The following NUMBL variants were observed in gnomAD, a reference collection of about 807,000 sequenced individuals.
The protein encoded by NUMBL is NUMB like endocytic adaptor protein.
NUMBL carries 20 observed loss-of-function variants against 48.9 expected under a neutral mutation model. That is an observed-to-expected ratio of 0.41 (90% CI 0.29 to 0.59). NUMBL has a LOEUF of 0.59. Among genes scored for constraint, NUMBL ranks in the 20% least tolerant of loss-of-function variants. The pLI is 0.31. For missense variants in NUMBL, 660 were observed against 846.2 expected, an observed-to-expected ratio of 0.78 and a Z score of 2.73; for synonymous variants, 340 against 348.7, an observed-to-expected ratio of 0.98 and a Z score of 0.28.
intron 7 of NUMBL, among the ~76,000 whole-genome samples, chr19:40,676,911 T>C (rs955468663): frequency 4.0e-5 from 6 of 151,790 alleles, no homozygotes; most frequent in Non-Finnish European, 4.4e-5. Flanking sequence ...GCCTCCAGGG[T>C]TCCAGCGATC....
rs1013217727 is a variant in NUMBL at position 40,687,534 on chromosome 19, C to T, written c.25-539G>A. On this transcript the variant is annotated intron_variant, in intron 1 of 9. Coordinates refer to ENST00000252891, the MANE Select transcript of NUMBL (RefSeq NM_004756.5). This position sits in a 1 kb window ranked among gnomAD's most constrained non-coding sequence, Gnocchi z 4.6. ...AGCATGTCCTGGCCCACTCAGTTCC[C>T]ACCGCAGACACCTGGTCACACCACC... Among the ~76,000 whole-genome samples the T allele has an allele frequency of 6.6e-6, 1 of 152,172 alleles. No individual in the cohort carries two copies. The highest frequency in any genetic ancestry group is 1.5e-5 in the Non-Finnish European group (1 of 68,032).
chr19:40,675,583 A>G (rs1429754373), intron 7 of NUMBL, among the ~76,000 whole-genome samples: 1 of 128,920 alleles, frequency 7.8e-6, no homozygotes, highest in Non-Finnish European at 1.6e-5. Flanking sequence ...TTAAACACAC[A>G]CACACACACA....
chr19:40,686,808 G>A, intron 2 of NUMBL, 103 bp downstream of exon 2: 1 of 746,246 alleles, frequency 1.3e-6, no homozygotes, highest in Non-Finnish European at 2.3e-6. Context: ...GTCCACTCAT[G>A]AGTGTGATTA....
chr19:40,684,479 G>C lies in NUMBL; in HGVS notation c.187C>G (p.Pro63Ala). The C allele has an allele frequency of 2.5e-6, 4 of 1,591,744 alleles. No homozygotes were observed. The highest frequency in any genetic ancestry group is 3.4e-6 in the Non-Finnish European group (4 of 1,170,108). ...TCCTCGTCTGCCTGCCACTGGTGCG[G>C]GCGCGACGCCTCGGGCACGTAGGCT... ...KPAYVPEASR[P>A]HQWQADEDAV... Residue 63 changes from proline to alanine, a missense_variant, in exon 3 of 10, where the codon CCG becomes GCG. Physicochemically the swap from Pro to Ala is conservative, Grantham distance 27. This residue lies in a region of NUMBL where 278 missense variants were observed against 420.6 expected (regional missense o/e 0.66). Transcript: ENST00000252891.
intron 6 of NUMBL, among the ~76,000 whole-genome samples, chr19:40,680,181 G>A (rs952173660): frequency 4.0e-5 from 6 of 151,846 alleles, no homozygotes; most frequent in Non-Finnish European, 8.8e-5. Context: ...ACCCAGGCTG[G>A]AGTGCAGTGG....
intron 5 of NUMBL, 60 bp from the exon 6 acceptor site, chr19:40,681,117 A>C: frequency 1.3e-6 from 2 of 1,569,718 alleles, no homozygotes; most frequent in Non-Finnish European, 1.8e-6. Flanking sequence ...TGTTCACTCA[A>C]CATTCTCTCT....
intron 3 of NUMBL, 49 bp downstream of exon 3, chr19:40,684,368 A>C: frequency 3.9e-6 from 6 of 1,525,202 alleles, no homozygotes; most frequent in Non-Finnish European, 5.3e-6. Context: ...AGCACAGCAC[A>C]GCGGCCCCCG....
At chr19:40,669,742 T>C (rs1298239724) in intron 9 of NUMBL, among the ~76,000 whole-genome samples, 156 bp downstream of exon 9, 2 of 151,848 alleles carry the variant, frequency 1.3e-5, no homozygotes, top group African/African-American at 4.8e-5. Flanking sequence ...TCTAAGATGA[T>C]CCATGGTTGT....
At chr19:40,676,691 C>CA (rs550390367) in intron 7 of NUMBL, among the ~76,000 whole-genome samples, 20,753 of 82,314 alleles carry the variant, frequency 0.25, 1,730 homozygotes, top group African/African-American at 0.31. Context: ...GACTCCGTCT[C>CA]AAAAAAAAAA....
chr19:40,684,782 A>T, intron 2 of NUMBL: 7 of 489,288 alleles, frequency 1.4e-5, no homozygotes, highest in East Asian at 4.2e-5. Flanking sequence ...GGCACTGGGG[A>T]TTCAGAACCA....
intron 7 of NUMBL, among the ~76,000 whole-genome samples, chr19:40,675,254 G>A (rs1430823649): frequency 6.6e-6 from 1 of 151,384 alleles, no homozygotes; most frequent in Non-Finnish European, 1.5e-5. Context: ...CCAGGAGGCA[G>A]AGGTTGCAGT....
chr19:40,684,591 G>A lies in NUMBL; in HGVS notation c.110-35C>T, dbSNP rs558111971. On this transcript the variant is annotated intron_variant, in intron 2 of 9. Coordinates refer to ENST00000252891, the MANE Select transcript of NUMBL (RefSeq NM_004756.5). ...CAGGACAGTGATGTGGGTCAAGGGT[G>A]GGGGTCAGAAGGTATGGAGCTCAAC... 4.4e-6 allele frequency: 7 copies of A among 1,576,174 alleles called. No homozygotes were observed. In the South Asian group the frequency reaches 8.0e-5, roughly 18 times the overall value.
rs779284323 is a variant in NUMBL at position 40,667,672 on chromosome 19, G to A, written c.1626C>T (p.Pro542=). The A allele has an allele frequency of 1.8e-5, 29 of 1,568,552 alleles. No individual in the cohort carries two copies. Among genetic ancestry groups the A allele is most frequent in the Non-Finnish European group, 9.5e-6 (11 of 1,157,144 alleles). Residue 542 remains proline (P), a synonymous_variant, in exon 10 of 10, where the codon CCC becomes CCT. Coordinates refer to ENST00000252891, the MANE Select transcript of NUMBL (RefSeq NM_004756.5). The surrounding 1 kb of genome is among the most constrained non-coding windows in gnomAD (Gnocchi z 6.1). The part of the protein sequence containing the change: ...TLLGKAGAFP[P]PAIPSAPGSQ... ...TCCCAGGGGCACTGGGTATGGCAGG[G>A]GGCGGGAAGGCCCCAGCTTTCCCAA...
chr19:40,683,029 T>C, intron 3 of NUMBL, 61 bp from the exon 4 acceptor site: 1 of 1,434,038 alleles, frequency 7.0e-7, no homozygotes, highest in East Asian at 2.3e-5. Context: ...TCATTCTCAG[T>C]GTCCACTGAG....
intron 3 of NUMBL, among the ~76,000 whole-genome samples, chr19:40,683,302 A>G (rs1166262921): frequency 6.6e-6 from 1 of 152,140 alleles, no homozygotes; most frequent in East Asian, 1.9e-4. Flanking sequence ...TGCCTACCCT[A>G]AAGCAGCTAG....
chr19:40,670,825 G>A (rs1352504616), intron 8 of NUMBL, among the ~76,000 whole-genome samples: 2 of 152,128 alleles, frequency 1.3e-5, no homozygotes, highest in Non-Finnish European at 2.9e-5. Flanking sequence ...GTCCTGATGC[G>A]TGACTCCCAG....
chr19:40,679,811 G>A (rs2081895630), intron 6 of NUMBL, among the ~76,000 whole-genome samples: 1 of 152,168 alleles, frequency 6.6e-6, no homozygotes, highest in Admixed American at 6.5e-5. Flanking sequence ...CCAGGGGGCT[G>A]GGGTAGTGGG....
rs1447313549 is a variant in NUMBL at position 40,682,886 on chromosome 19, T to G, written c.324+8A>C. 2 of 1,613,760 alleles carry G rather than the reference T, an allele frequency of 1.2e-6. No individual in the cohort carries two copies. The highest frequency in any genetic ancestry group is 3.3e-5 in the Admixed American group (2 of 59,986). On this transcript the variant is annotated splice_region_variant and intron_variant, in intron 4 of 9. Coordinates refer to ENST00000252891, the MANE Select transcript of NUMBL (RefSeq NM_004756.5). This position sits in a 1 kb window ranked among gnomAD's most constrained non-coding sequence, Gnocchi z 4.0. ...TGCCCCCTCCCTCATGGCAGCCCCC[T>G]CACTCACCGCCTTCAGCTTCTTCAC...
intron 8 of NUMBL, among the ~76,000 whole-genome samples, chr19:40,671,545 G>T (rs2081848009): frequency 6.6e-6 from 1 of 152,150 alleles, no homozygotes; most frequent in African/African-American, 2.4e-5. Flanking sequence ...ATGTCAGGCT[G>T]CGTTAAGGAC....
Sources: allele counts gnomAD v4.1 joint callset (sites outside exome capture counted in the v4.1 genomes callset), GRCh38; gene constraint gnomAD v4.1.1; regional missense constraint gnomAD v4.1.1; non-coding constraint Gnocchi (gnomAD v3.1); transcripts MANE v1.5; gene names NCBI Gene and HGNC (gene_info 2026-07-23, HGNC 2026-07-21).